Variants in RPS6KA2 observed in about 807,000 individuals in gnomAD.
RPS6KA2 encodes ribosomal protein S6 kinase A2, also known as ribosomal protein S6 kinase alpha-2.
In RPS6KA2, 42 loss-of-function variants were observed where a neutral mutation model predicts 91.8. That is an observed-to-expected ratio of 0.46 (90% CI 0.36 to 0.59). The LOEUF is 0.59. RPS6KA2 is among the 20% of genes least tolerant of loss of function. The pLI is 0.00. For synonymous variants in RPS6KA2, 414 were observed against 393.6 expected (o/e 1.05, Z -0.61); for missense variants, 798 against 978.5 (o/e 0.82, Z 2.46).
chr6:166,559,729 GTC>G (rs1784283522), intron 1 of RPS6KA2, among the ~76,000 whole-genome samples: 1 of 152,064 alleles, frequency 6.6e-6, no homozygotes. Context: ...GTGTTTTTAT[GTC>G]TGTGTTATTA....
chr6:166,572,342 T>C (rs548379957), intron 1 of RPS6KA2, among the ~76,000 whole-genome samples: 1 of 152,374 alleles, frequency 6.6e-6, no homozygotes, highest in East Asian at 1.9e-4. Context: ...CATGAACGAT[T>C]ACTAATTCTA....
chr6:166,571,509 G>A (rs753756313), intron 1 of RPS6KA2, among the ~76,000 whole-genome samples: 18 of 152,360 alleles, frequency 1.2e-4, no homozygotes, highest in Non-Finnish European at 1.6e-4. Context: ...GTGCTTGGGC[G>A]TGTGTGTGCA....
intron 2 of RPS6KA2, among the ~76,000 whole-genome samples, chr6:166,830,630 G>T (rs972249798): frequency 2.0e-5 from 3 of 152,022 alleles, no homozygotes; most frequent in Non-Finnish European, 4.4e-5. Flanking sequence ...TTCCTACGAG[G>T]CAAGGGAAGT....
At position 166,680,182 on chromosome 6, in the gene RPS6KA2, G is replaced by C. The variant is rs956064954; in HGVS notation, c.124-141398C>G. ...TCAGCACTCTGTGTCTAGCTAATCT[G>C]GTGGGGACTTGGAGAACTTTTGTGT... On this transcript the variant is annotated intron_variant, in intron 2 of 21. Transcript: ENST00000503859. 2.6e-5 allele frequency among the ~76,000 whole-genome samples: 4 copies of C among 151,940 alleles called. No individual in the cohort carries two copies. The East Asian group carries it at 5.8e-4, about 22-fold the overall frequency.
chr6:166,618,157 G>A (rs1186215626), intron 1 of RPS6KA2, among the ~76,000 whole-genome samples: 1 of 152,262 alleles, frequency 6.6e-6, no homozygotes, highest in Non-Finnish European at 1.5e-5. Context: ...CACCATGGGT[G>A]GCCAAGCCAC....
chr6:166,723,660 T>C (rs1370897555), intron 2 of RPS6KA2, among the ~76,000 whole-genome samples: 3 of 152,184 alleles, frequency 2.0e-5, no homozygotes, highest in Non-Finnish European at 4.4e-5. Context: ...TGACCGAATT[T>C]TTCCCTGAGT....
intron 2 of RPS6KA2, among the ~76,000 whole-genome samples, chr6:166,857,626 C>T (rs1182974381): frequency 6.6e-6 from 1 of 152,232 alleles, no homozygotes; most frequent in Non-Finnish European, 1.5e-5. Context: ...CAGCCTGCAG[C>T]AGCAAGAGCT....
chr6:166,811,461 C>T (rs554417841), intron 2 of RPS6KA2, among the ~76,000 whole-genome samples: 1 of 152,240 alleles, frequency 6.6e-6, no homozygotes, highest in East Asian at 1.9e-4. Context: ...TCCATCTCTA[C>T]AAAAAACTAT....
chr6:166,718,144 G>A (rs777499434), intron 2 of RPS6KA2, among the ~76,000 whole-genome samples: 5 of 152,126 alleles, frequency 3.3e-5, no homozygotes, highest in African/African-American at 7.2e-5. Context: ...CACTGTGCCC[G>A]GCCCTATTTG....
intron 2 of RPS6KA2, among the ~76,000 whole-genome samples, chr6:166,847,119 G>C (rs1257308986): frequency 6.6e-6 from 1 of 151,786 alleles, no homozygotes; most frequent in Non-Finnish European, 1.5e-5. Flanking sequence ...CACACCAACA[G>C]TGACCAAGCT....
chr6:166,816,549 C>T (rs1426977452), intron 2 of RPS6KA2, among the ~76,000 whole-genome samples: 8 of 146,772 alleles, frequency 5.5e-5, no homozygotes, highest in Admixed American at 2.7e-4. Context: ...AGCAAGACTC[C>T]ATCTCAAAAA....
intron 2 of RPS6KA2, among the ~76,000 whole-genome samples, chr6:166,824,635 G>C (rs1459443973): frequency 1.9e-5 from 2 of 106,422 alleles, no homozygotes; most frequent in Non-Finnish European, 4.1e-5. Context: ...CTATGTGGGT[G>C]TCTGTATGTC....
chr6:166,667,195 G>C (rs1355027580), intron 2 of RPS6KA2, among the ~76,000 whole-genome samples: 1 of 152,214 alleles, frequency 6.6e-6, no homozygotes, highest in African/African-American at 2.4e-5. Context: ...AGCAATGTGA[G>C]TGTACCCAAT....
At chr6:166,566,849 G>A (rs1784520100) in intron 1 of RPS6KA2, among the ~76,000 whole-genome samples, 1 of 152,208 alleles carries the variant, frequency 6.6e-6, no homozygotes, top group Non-Finnish European at 1.5e-5. Flanking sequence ...CACAGCCCAC[G>A]CAAAGCTGAA....
At chr6:166,560,972 C>T (rs1161201365) in intron 1 of RPS6KA2, among the ~76,000 whole-genome samples, 1 of 151,826 alleles carries the variant, frequency 6.6e-6, no homozygotes, top group Admixed American at 6.6e-5. Context: ...CCCATTCACT[C>T]ATATGTGCAT....
intron 2 of RPS6KA2, among the ~76,000 whole-genome samples, chr6:166,773,238 A>T (rs1175010378): frequency 6.6e-6 from 1 of 152,088 alleles, no homozygotes; most frequent in East Asian, 1.9e-4. Flanking sequence ...TTGGAGAAGG[A>T]GGCAGGGAAG....
At position 166,479,288 on chromosome 6, in the gene RPS6KA2, C is replaced by T. The variant is rs535252533; in HGVS notation, c.908-9383G>A. ...GAGGGAAGGCACGGGCCAGACTGCC[C>T]ATTATCCACTCACACTTGCTCTGGA... On this transcript the variant is annotated intron_variant, in intron 10 of 20. Transcript: ENST00000265678. Among the ~76,000 whole-genome samples the T allele has an allele frequency of 1.8e-3, 242 of 136,072 alleles. 1 individual carries two copies. Among genetic ancestry groups the T allele is most frequent in the Middle Eastern group, 3.5e-3 (1 of 282 alleles). The allele number at this position is 136,072 out of a possible 152,430, so 89.3% of individuals were successfully genotyped here.
At chr6:166,857,520 T>C (rs1780937043) in intron 2 of RPS6KA2, among the ~76,000 whole-genome samples, 9 of 152,226 alleles carry the variant, frequency 5.9e-5, no homozygotes, top group Admixed American at 5.9e-4. Context: ...AACACCAGTG[T>C]TGCCGAGATA....
intron 2 of RPS6KA2, among the ~76,000 whole-genome samples, chr6:166,707,671 A>G (rs1052201422): frequency 2.6e-5 from 4 of 152,220 alleles, no homozygotes; most frequent in African/African-American, 7.2e-5. Flanking sequence ...CCTAAAATGT[A>G]TAAATATAGT....
Sources: allele counts gnomAD v4.1 joint callset (sites outside exome capture counted in the v4.1 genomes callset), GRCh38; gene constraint gnomAD v4.1.1; transcripts MANE v1.5; gene names NCBI Gene and HGNC (gene_info 2026-07-23, HGNC 2026-07-21).